Variants in KCNH6 observed in about 807,000 individuals in gnomAD.
KCNH6 encodes the protein voltage-gated inwardly rectifying potassium channel KCNH6.
In KCNH6, 81 loss-of-function variants were observed where a neutral mutation model predicts 83.4. The ratio of observed to expected loss-of-function variants is 0.97; its 90% CI spans 0.81 to 1.17. KCNH6 has a LOEUF of 1.17. Ranked by LOEUF, KCNH6 falls within the 50% of genes most tolerant of loss-of-function variation. The probability of loss-of-function intolerance (pLI) is 0.00; values close to 1 mark genes in which losing one functional copy is unlikely to be tolerated. For synonymous variants in KCNH6, 503 were observed against 545.6 expected (o/e 0.92, Z 1.09); for missense variants, 1,203 against 1,290.5 (o/e 0.93, Z 1.04).
chr17:63,528,283 A>G (rs190102766), intron 2 of KCNH6, among the ~76,000 whole-genome samples: 1 of 152,278 alleles, frequency 6.6e-6, no homozygotes. Flanking sequence ...GTCTGGGCCT[A>G]TAGCACTATG....
Position 63,526,758 on chromosome 17 carries a change from G to A in KCNH6, c.307+2389G>A, listed in dbSNP as rs995544474. The stretch of plus-strand genomic sequence containing the variant: ...ATGTATAATCCTCTTTTCCTCTAAA[G>A]GGGTAATCCACTGAAAATTCTCGAA... On this transcript the variant is annotated intron_variant, in intron 2 of 12. Transcript: ENST00000314672. Among the ~76,000 whole-genome samples, 15 of 152,120 alleles carry A rather than the reference G, an allele frequency of 9.9e-5. 1 individual carries two copies. The highest frequency in any genetic ancestry group is 2.1e-4 in the Non-Finnish European group (14 of 68,016).
At chr17:63,548,001 C>T (rs2033181387), downstream of KCNH6, among the ~76,000 whole-genome samples, 1 of 150,904 alleles carries the variant, frequency 6.6e-6, no homozygotes, top group African/African-American at 2.4e-5. Context: ...CGCAGTGGCT[C>T]ACACCTGTAA....
chr17:63,536,218 C>T, intron 6 of KCNH6, 150 bp downstream of exon 6: 2 of 721,696 alleles, frequency 2.8e-6, no homozygotes, highest in Admixed American at 5.4e-5. Flanking sequence ...TGAATTTTTG[C>T]TGGTGTGTGC....
chr17:63,532,209 C>T (rs2032166565), intron 4 of KCNH6, among the ~76,000 whole-genome samples: 1 of 152,194 alleles, frequency 6.6e-6, no homozygotes, highest in Admixed American at 6.5e-5. Flanking sequence ...CTTCTGTCTC[C>T]CTCCCACTCC....
At chr17:63,542,112 A>G in intron 8 of KCNH6, 129 bp from the exon 9 acceptor site, 1 of 889,766 alleles carries the variant, frequency 1.1e-6, no homozygotes, top group South Asian at 1.7e-5. Context: ...ATGTCCCCAG[A>G]GCTCTATCCC....
Position 63,533,998 on chromosome 17 carries a change from T to C in KCNH6, c.788T>C (p.Ile263Thr), listed in dbSNP as rs761831018. Reference sequence around the variant, plus strand: ...TTCAAGGCCGTGTGGGACTGGCTCATCCTGCTGCTGGTCATCTACACGGCT... The same window carrying C: ...TTCAAGGCCGTGTGGGACTGGCTCACCCTGCTGCTGGTCATCTACACGGCT... ...SPFKAVWDWLILLLVIYTAVF... is the reference protein window; with the variant it reads ...SPFKAVWDWLTLLLVIYTAVF... The change falls in exon 5 of 13, where the codon ATC (isoleucine) becomes ACC (threonine). Residue 263 changes from isoleucine (I) to threonine (T), a missense_variant. By Grantham distance (89) the Ile-to-Thr change is moderately conservative (BLOSUM62 -1). Transcript: ENST00000314672. This position sits in a 1 kb window ranked among gnomAD's most constrained non-coding sequence, Gnocchi z 4.1. 6.2e-7 allele frequency: 1 copy of C among 1,614,114 alleles called. No individual in the cohort carries two copies.
intron 11 of KCNH6, 142 bp from the exon 12 acceptor site, chr17:63,544,936 T>TC: frequency 1.3e-6 from 1 of 793,038 alleles, no homozygotes; most frequent in South Asian, 1.6e-5. Flanking sequence ...GGGCTGTGGA[T>TC]CCCAGTAAGG....
chr17:63,548,541 T>C (rs916988762), downstream of KCNH6, among the ~76,000 whole-genome samples: 13 of 152,242 alleles, frequency 8.5e-5, no homozygotes, highest in African/African-American at 2.2e-4. Context: ...TTAATTTTTG[T>C]AACCTTAATA....
chr17:63,541,483 A>T (rs1323711875), intron 8 of KCNH6, among the ~76,000 whole-genome samples: 2 of 148,410 alleles, frequency 1.3e-5, no homozygotes, highest in African/African-American at 5.3e-5. Context: ...TTTAGTAGAG[A>T]TGCGGTTTCA....
rs577833281 is a variant in KCNH6, at chr17:63,530,506, G to A, written c.639G>A (p.Val213=). 19 of 1,614,194 alleles carry A rather than the reference G, an allele frequency of 1.2e-5. No homozygotes were observed. In the South Asian group the frequency reaches 1.9e-4, roughly 16 times the overall value. The change falls in exon 4 of 13, where the codon GTG becomes GTA. Residue 213 remains valine, a synonymous_variant. Transcript: ENST00000314672. ...AGATCATCGCGCCCCATAAGGTGGTGGAGCGGACACAGAACGTCACTGAGA... is the reference window on the plus strand; with the variant it reads ...AGATCATCGCGCCCCATAAGGTGGTAGAGCGGACACAGAACGTCACTGAGA... ...EIEIIAPHKV[V]ERTQNVTEKV...
chr17:63,548,472 A>G (rs2033189728), downstream of KCNH6, among the ~76,000 whole-genome samples: 2 of 152,322 alleles, frequency 1.3e-5, no homozygotes, highest in South Asian at 4.1e-4. Context: ...CACCACCTGG[A>G]TAACAGAGCA....
intron 2 of KCNH6, among the ~76,000 whole-genome samples, chr17:63,526,181 A>G (rs1445779499): frequency 6.6e-6 from 1 of 152,030 alleles, no homozygotes; most frequent in Non-Finnish European, 1.5e-5. Context: ...TTGCCCACAT[A>G]CCTGGTGCCC....
chr17:63,538,450 G>GCCTGCA lies in KCNH6; in HGVS notation c.1751_1756dup (p.Leu584_His585dup), dbSNP rs1785239059. On this transcript the variant is annotated inframe_insertion, in exon 8 of 13. Transcript: ENST00000314672. This position sits in a 1 kb window ranked among gnomAD's most constrained non-coding sequence, Gnocchi z 4.0. The stretch of plus-strand genomic sequence containing the variant: ...CCCGAGTGCCTGCAGGCTGACATCT[G>GCCTGCA]CCTGCACCTGCACCGCGCACTGCTG... 2 of 1,603,754 alleles carry GCCTGCA rather than the reference G, an allele frequency of 1.2e-6. No homozygotes were observed. Among genetic ancestry groups the GCCTGCA allele is most frequent in the Non-Finnish European group, 1.7e-6 (2 of 1,175,808 alleles).
chr17:63,539,553 A>G (rs1358504611), intron 8 of KCNH6, among the ~76,000 whole-genome samples: 3 of 152,198 alleles, frequency 2.0e-5, no homozygotes, highest in African/African-American at 7.2e-5. Flanking sequence ...AATGTATCCC[A>G]ACCTGAAATC....
chr17:63,526,448 C>T (rs1004314699), intron 2 of KCNH6, among the ~76,000 whole-genome samples: 6 of 143,258 alleles, frequency 4.2e-5, no homozygotes, highest in African/African-American at 7.9e-5. Context: ...CTGGCAAGAA[C>T]ATAGCTCACT....
rs1597966052 is a variant in KCNH6 at position 63,523,645 on chromosome 17, T to C, written c.76+156T>C. 6.6e-6 allele frequency among the ~76,000 whole-genome samples: 1 copy of C among 152,050 alleles called. No individual in the cohort carries two copies. The highest frequency in any genetic ancestry group is 1.9e-4 in the East Asian group (1 of 5,188). ...TTTTGATGTCCCCAACACCTTCTCC[T>C]CCAGGGGGACCCGCTTGCCTTAAAT... On this transcript the variant is annotated intron_variant, in intron 1 of 12. Coordinates refer to ENST00000314672, the MANE Select transcript of KCNH6 (RefSeq NM_001278919.2). The surrounding 1 kb of genome is among the most constrained non-coding windows in gnomAD (Gnocchi z 4.2).
At chr17:63,543,300 C>T (rs540586914) in intron 9 of KCNH6, among the ~76,000 whole-genome samples, 77 of 146,052 alleles carry the variant, frequency 5.3e-4, no homozygotes, top group Non-Finnish European at 9.8e-4. Context: ...CTCCCTCCCG[C>T]GATCTGCACA....
intron 2 of KCNH6, among the ~76,000 whole-genome samples, chr17:63,526,723 T>C (rs1249704937): frequency 6.6e-6 from 1 of 152,142 alleles, no homozygotes; most frequent in Admixed American, 6.5e-5. Flanking sequence ...AGCAGATCTC[T>C]AGCTGATTTA....
Position 63,544,276 on chromosome 17 carries a change from A to C in KCNH6, c.2261A>C (p.Asp754Ala). 1 of 1,600,346 alleles carries C rather than the reference A, an allele frequency of 6.2e-7. No individual in the cohort carries two copies. Among genetic ancestry groups the C allele is most frequent in the Non-Finnish European group, 8.5e-7 (1 of 1,173,102 alleles). Residue 754 changes from aspartate (D) to alanine (A), a missense_variant, in exon 11 of 13, where the codon GAT (aspartate) becomes GCT (alanine). Physicochemically the swap from Asp to Ala is moderately radical, Grantham distance 126. Transcript: ENST00000314672. The stretch of plus-strand genomic sequence containing the variant: ...GCAGCCCCTCCCCTGAGCATCTCAG[A>C]TGCATCTGGCCTCTGGCCTGAGCTA... ...SDAAPPLSISDASGLWPELLQ... is the reference protein window; with the variant it reads ...SDAAPPLSISAASGLWPELLQ...
Sources: allele counts gnomAD v4.1 joint callset (sites outside exome capture counted in the v4.1 genomes callset), GRCh38; gene constraint gnomAD v4.1.1; non-coding constraint Gnocchi (gnomAD v3.1); transcripts MANE v1.5; gene names NCBI Gene and HGNC (gene_info 2026-07-23, HGNC 2026-07-21).